TEP1: variants seen among roughly 807,000 people sequenced by gnomAD.
TEP1 encodes telomerase associated protein 1, also known as telomerase protein component 1.
A neutral mutation model predicts 306.3 loss-of-function variants in TEP1; 241 were observed. The ratio of observed to expected loss-of-function variants is 0.79; its 90% CI spans 0.71 to 0.88. TEP1 has a LOEUF of 0.88. Among genes scored for constraint, TEP1 ranks in the 40% least tolerant of loss-of-function variants. The pLI is 0.00. For missense variants in TEP1, 3,051 were observed against 3,276.1 expected, an observed-to-expected ratio of 0.93 and a Z score of 1.68; for synonymous variants, 1,289 against 1,305.5, an observed-to-expected ratio of 0.99 and a Z score of 0.27.
At chr14:20,400,369 T>C (rs1477964188) in intron 9 of TEP1, among the ~76,000 whole-genome samples, 1 of 151,624 alleles carries the variant, frequency 6.6e-6, no homozygotes, top group Non-Finnish European at 1.5e-5. Flanking sequence ...GAGAAATGCT[T>C]GAGGCCATGA....
At chr14:20,380,589 G>A in intron 33 of TEP1, 114 bp from the exon 34 acceptor site, 1 of 1,433,792 alleles carries the variant, frequency 7.0e-7, no homozygotes, top group South Asian at 1.4e-5. Context: ...GTGGCCCTCT[G>A]GCCCTATATC....
chr14:20,409,904 C>T (rs1879503372), intron 1 of TEP1, among the ~76,000 whole-genome samples: 1 of 151,430 alleles, frequency 6.6e-6, no homozygotes, highest in African/African-American at 2.4e-5. Flanking sequence ...CACCTGTAGT[C>T]CCAGCTACTC....
rs771945224 is a variant in TEP1, at chr14:20,390,930, T to G, written c.2256+8A>C. ...GTATTTTTGGATGGTGGGTGTTGAG[T>G]GTCTGACCTGGACTTGAGCCTGGAG... On this transcript the variant is annotated splice_region_variant and intron_variant, in intron 14 of 54. Transcript: ENST00000262715. The G allele has an allele frequency of 6.2e-7, 1 of 1,614,048 alleles. No individual in the cohort carries two copies. The highest frequency in any genetic ancestry group is 2.2e-5 in the East Asian group (1 of 44,872).
chr14:20,372,380 A>ATGTGTATGTGTGTG (rs1884897384), intron 49 of TEP1, among the ~76,000 whole-genome samples: 1 of 139,556 alleles, frequency 7.2e-6, no homozygotes, highest in African/African-American at 2.7e-5. Context: ...GTGTGTGTGT[A>ATGTGTATGTGTGTG]TGTGTGTGTG....
At chr14:20,391,533 A>T (rs567907501) in intron 13 of TEP1, 66 bp downstream of exon 13, 1 of 1,538,696 alleles carries the variant, frequency 6.5e-7, no homozygotes, top group African/African-American at 1.4e-5. Context: ...TGGGAACAGG[A>T]TACTGCTCAG....
Position 20,406,345 on chromosome 14 carries a change from T to A in TEP1, c.623A>T (p.Tyr208Phe). Residue 208 changes from tyrosine to phenylalanine, a missense_variant, in exon 3 of 55, where the codon TAT becomes TTT. Tyr to Phe is a conservative substitution (Grantham distance 22). This residue lies in a region of TEP1 where 1,507 missense variants were observed against 1,550.5 expected (regional missense o/e 0.97). Coordinates refer to ENST00000262715, the MANE Select transcript of TEP1 (RefSeq NM_007110.5). The stretch of plus-strand genomic sequence containing the variant: ...CTCCTCCTCTCCCAAGCTCAGACTA[T>A]AAGAAGGCATTTGGGTCTCTGCCCC... ...KKGAETQMPS[Y>F]SLSLGEEEEV... 6.2e-7 allele frequency: 1 copy of A among 1,614,172 alleles called. No individual in the cohort carries two copies. The highest frequency in any genetic ancestry group is 8.5e-7 in the Non-Finnish European group (1 of 1,180,036).
intron 28 of TEP1, 67 bp from the exon 29 acceptor site, chr14:20,382,423 G>A: frequency 4.5e-6 from 7 of 1,564,648 alleles, no homozygotes; most frequent in Non-Finnish European, 6.1e-6. Context: ...TTGTGGGATA[G>A]GGAAGGGGCA....
At chr14:20,387,810 G>A in intron 18 of TEP1, 95 bp downstream of exon 18, 3 of 1,442,328 alleles carry the variant, frequency 2.1e-6, no homozygotes. Flanking sequence ...AAGAGAACAA[G>A]CGGCACCTCA....
intron 20 of TEP1, among the ~76,000 whole-genome samples, chr14:20,385,510 T>C (rs1467833444): frequency 6.6e-6 from 1 of 152,136 alleles, no homozygotes; most frequent in Non-Finnish European, 1.5e-5. Flanking sequence ...GTAGCTGGGA[T>C]TACAGGTGTC....
At chr14:20,370,995 C>T (rs1204180583) in intron 51 of TEP1, among the ~76,000 whole-genome samples, 1 of 152,178 alleles carries the variant, frequency 6.6e-6, no homozygotes, top group Non-Finnish European at 1.5e-5. Flanking sequence ...TTATGGTTTC[C>T]TATGGCTTTC....
rs186516685 is a variant in TEP1 at position 20,368,911 on chromosome 14, G to A, written c.7657-9C>T. The A allele has an allele frequency of 7.9e-4, 1,268 of 1,608,752 alleles. 3 individuals carry two copies. The highest frequency in any genetic ancestry group is 5.1e-3 in the Middle Eastern group (31 of 6,052). ...ACAGAGCCCGAGTGAATCTCAAAGA[G>A]GAAAGGGGAGAGCAGAATGGTGAGT... On this transcript the variant is annotated splice_polypyrimidine_tract_variant and intron_variant, in intron 53 of 54. Transcript: ENST00000262715.
intron 11 of TEP1, 97 bp from the exon 12 acceptor site, chr14:20,395,724 C>A (rs1878145114): frequency 2.0e-6 from 3 of 1,508,586 alleles, no homozygotes; most frequent in Non-Finnish European, 2.7e-6. Flanking sequence ...TTGGGGCTGG[C>A]AAGTGCCTGA....
rs1230694163 is a variant in TEP1, at chr14:20,375,770, G to A, written c.6348C>T (p.Thr2116=). The change falls in exon 43 of 55, where the codon ACC becomes ACT. Residue 2116 remains threonine, a synonymous_variant. Transcript: ENST00000262715. ...HRDWVTGCAW[T]KDNLLISCSS... ...CTTTACTCACCAGTAGGTTATCTTT[G>A]GTCCAGGCACAGCCAGTGACCCAGT... The A allele has an allele frequency of 6.2e-7, 1 of 1,613,082 alleles. No homozygotes were observed.
chr14:20,385,009 T>A lies in TEP1; in HGVS notation c.3083A>T (p.Tyr1028Phe). The A allele has an allele frequency of 6.2e-7, 1 of 1,614,152 alleles. No homozygotes were observed. Among genetic ancestry groups the A allele is most frequent in the Non-Finnish European group, 8.5e-7 (1 of 1,180,018 alleles). ...RLQPSAQALIYFRDSSFLSSV... is the reference protein window; with the variant it reads ...RLQPSAQALIFFRDSSFLSSV... ...CCTGAGGAAGCTGGAATCCCGGAAG[T>A]AGATGAGAGCTTGGGCAGAGGGCTG... Residue 1028 changes from tyrosine (Y) to phenylalanine (F), a missense_variant, in exon 21 of 55, where the codon TAC (tyrosine) becomes TTC (phenylalanine). Tyr to Phe is a conservative substitution (Grantham distance 22, BLOSUM62 3). Around this residue, in one of 3 missense-constraint regions of TEP1, gnomAD observed 1,507 missense variants for 1,550.5 expected, o/e 0.97. Transcript: ENST00000262715.
rs996667678 is a variant in TEP1, at chr14:20,381,762, T to C, written c.4425-76A>G. The stretch of plus-strand genomic sequence containing the variant: ...AGCTTCCTGGCACACAGTGGGCTCC[T>C]ATTCCCCCCTCAAATAGCGGAAACT... On this transcript the variant is annotated intron_variant, in intron 30 of 54. Transcript: ENST00000262715. This position sits in a 1 kb window ranked among gnomAD's most constrained non-coding sequence, Gnocchi z 4.0. The C allele has an allele frequency of 1.3e-6, 2 of 1,533,966 alleles. No individual in the cohort carries two copies. The highest frequency in any genetic ancestry group is 1.7e-6 in the Non-Finnish European group (2 of 1,144,132).
rs1480499070 is a variant in TEP1 at position 20,369,575 on chromosome 14, C to A, written c.7425G>T (p.Glu2475Asp). The A allele has an allele frequency of 3.1e-6, 5 of 1,613,996 alleles. No individual in the cohort carries two copies. Among genetic ancestry groups the A allele is most frequent in the Non-Finnish European group, 4.2e-6 (5 of 1,179,996 alleles). ...CAGAGCTGGCACACAAAAATGAGGACTCTGCCATTTTAAGGACAGAATTAG... is the reference window on the plus strand; with the variant it reads ...CAGAGCTGGCACACAAAAATGAGGAATCTGCCATTTTAAGGACAGAATTAG... ...ISITQAKPESESSFLCASSDG... is the reference protein window; with the variant it reads ...ISITQAKPESDSSFLCASSDG... The change falls in exon 53 of 55, where the codon GAG becomes GAT. Residue 2475 changes from glutamate (E) to aspartate (D), a missense_variant and splice_region_variant. Physicochemically the swap from Glu to Asp is conservative, Grantham distance 45. Transcript: ENST00000262715.
intron 15 of TEP1, among the ~76,000 whole-genome samples, chr14:20,389,969 G>C (rs1223651188): frequency 1.3e-5 from 2 of 152,208 alleles, no homozygotes; most frequent in African/African-American, 2.4e-5. Context: ...AGGCTCAAGA[G>C]AGCTGATTGT....
chr14:20,401,947 A>G (rs1480042041), intron 7 of TEP1, among the ~76,000 whole-genome samples: 1 of 152,230 alleles, frequency 6.6e-6, no homozygotes, highest in Non-Finnish European at 1.5e-5. Context: ...AGATAAATAG[A>G]GAAACGAGCA....
At chr14:20,410,016 GTC>G (rs1298220059) in intron 1 of TEP1, among the ~76,000 whole-genome samples, 3 of 48,578 alleles carry the variant, frequency 6.2e-5, no homozygotes, top group African/African-American at 2.7e-4. Flanking sequence ...GCAAGACTCT[GTC>G]TCAAAAAAAA....
Sources: gnomAD v4.1 joint callset for allele counts (sites outside exome capture counted in the v4.1 genomes callset) on GRCh38, gnomAD v4.1.1 for gene constraint, gnomAD v4.1.1 regional missense constraint, Gnocchi (gnomAD v3.1) non-coding constraint, MANE v1.5 for transcripts, NCBI Gene and HGNC (gene_info 2026-07-23, HGNC 2026-07-21) for gene names.